The following SPIN1 variants were observed in gnomAD, a reference collection of about 807,000 sequenced individuals.
SPIN1 encodes spindlin 1.
SPIN1 carries 3 observed loss-of-function variants against 26.0 expected under a neutral mutation model. The observed-to-expected ratio is 0.12, with a 90% confidence interval of 0.05 to 0.30. The LOEUF (loss-of-function observed/expected upper bound fraction) is 0.30, where lower values mean the gene tolerates loss of function less well. Among genes scored for constraint, SPIN1 ranks in the 10% least tolerant of loss-of-function variants. The probability of loss-of-function intolerance (pLI) is 1.00; values close to 1 mark genes in which losing one functional copy is unlikely to be tolerated. For missense variants in SPIN1, 126 were observed against 333.4 expected (o/e 0.38, Z 4.84); for synonymous variants, 101 against 116.5 (o/e 0.87, Z 0.86).
intron 2 of SPIN1, among the ~76,000 whole-genome samples, chr9:88,433,195 T>C (rs529161185): frequency 3.2e-4 from 49 of 152,258 alleles, no homozygotes; most frequent in African/African-American, 1.1e-3. Flanking sequence ...TCCTCCCACC[T>C]CAGCCTCCTG....
At chr9:88,394,637 G>A (rs570303991) in intron 1 of SPIN1, among the ~76,000 whole-genome samples, 1 of 152,004 alleles carries the variant, frequency 6.6e-6, no homozygotes, top group Admixed American at 6.6e-5. Context: ...TTTATGTTTG[G>A]TTATGGTTTT....
rs186969148 is a variant in SPIN1 at position 88,429,089 on chromosome 9, A to G, written c.52+2498A>G. On this transcript the variant is annotated intron_variant, in intron 2 of 5. Transcript: ENST00000375859. ...GCAGTGTTGCCCAGGCTGGTCTTCA[A>G]CTCCTGAGCTGAAGCGGTCCTCCTG... is the stretch of plus-strand genomic sequence containing the variant. Among the ~76,000 whole-genome samples the G allele has an allele frequency of 8.3e-3, 1,254 of 151,914 alleles. 7 individuals are homozygous for G. The highest frequency in any genetic ancestry group is 0.012 in the Admixed American group (183 of 15,226).
chr9:88,452,419 G>A lies in SPIN1; in HGVS notation c.101+3430G>A, dbSNP rs75008002. The stretch of plus-strand genomic sequence containing the variant: ...TTCTCAGAAATTGGTTATTTCAGTC[G>A]TGGACATGAAGACTGGGTAACTCTT... On this transcript the variant is annotated intron_variant, in intron 3 of 5. Coordinates refer to ENST00000375859, the MANE Select transcript of SPIN1 (RefSeq NM_006717.3). 3.1e-4 allele frequency among the ~76,000 whole-genome samples: 47 copies of A among 152,276 alleles called. 2 individuals are homozygous for A. In the East Asian group the frequency reaches 9.1e-3, roughly 29 times the overall value.
rs535682674 is a variant in SPIN1, at chr9:88,427,813, G to A, written c.52+1222G>A. 1.3e-4 allele frequency among the ~76,000 whole-genome samples: 20 copies of A among 152,114 alleles called. No individual in the cohort carries two copies. The East Asian group carries it at 2.1e-3, about 16-fold the overall frequency. ...GGGGTTTTGCCATGTTGGCCAGGCCGGTCTTGAACTCCTGACCTCAAGTGA... is the reference window on the plus strand; with the variant it reads ...GGGGTTTTGCCATGTTGGCCAGGCCAGTCTTGAACTCCTGACCTCAAGTGA... On this transcript the variant is annotated intron_variant, in intron 2 of 5. Transcript: ENST00000375859.
chr9:88,420,315 C>T (rs546468593), intron 1 of SPIN1, among the ~76,000 whole-genome samples: 1 of 152,314 alleles, frequency 6.6e-6, no homozygotes, highest in East Asian at 1.9e-4. Flanking sequence ...GCGGAGGTTG[C>T]AGTGAGCCGA....
chr9:88,471,878 T>C (rs897544482), intron 5 of SPIN1, among the ~76,000 whole-genome samples: 21 of 152,030 alleles, frequency 1.4e-4, no homozygotes, highest in Non-Finnish European at 3.1e-4. Flanking sequence ...TTGCTCAGGC[T>C]GGAGTATAGT....
chr9:88,458,757 A>C (rs1023837324), intron 3 of SPIN1, among the ~76,000 whole-genome samples: 4 of 152,176 alleles, frequency 2.6e-5, no homozygotes, highest in African/African-American at 9.7e-5. Flanking sequence ...CAAGTTCAAA[A>C]TCTATAGGGT....
chr9:88,433,815 G>C (rs901992778), intron 2 of SPIN1, among the ~76,000 whole-genome samples: 1 of 151,458 alleles, frequency 6.6e-6, no homozygotes, highest in Non-Finnish European at 1.5e-5. Flanking sequence ...AATTTTCAAA[G>C]AAAGAAAGAT....
Position 88,426,409 on chromosome 9 carries a change from T to G in SPIN1, c.-131T>G. On this transcript the variant is annotated 5_prime_UTR_variant, in exon 2 of 6. Coordinates refer to ENST00000375859, the MANE Select transcript of SPIN1 (RefSeq NM_006717.3). Reference sequence around the variant, plus strand: ...TGCTTGTGATTTCACGTATTTTTGCTGAACTCGTAAAAGAGACACTTGGAT... The same window carrying G: ...TGCTTGTGATTTCACGTATTTTTGCGGAACTCGTAAAAGAGACACTTGGAT... The G allele has an allele frequency of 1.5e-6, 1 of 646,798 alleles. No homozygotes were observed. The highest frequency in any genetic ancestry group is 2.7e-6 in the Non-Finnish European group (1 of 371,088). 40.1% of individuals were successfully genotyped at this position (646,798 alleles called of 1,614,324 possible). A position where few individuals can be genotyped will look rare whatever the true frequency, so the allele number is the denominator to read the frequency against.
At chr9:88,403,500 A>G (rs767934897) in intron 1 of SPIN1, among the ~76,000 whole-genome samples, 29 of 152,106 alleles carry the variant, frequency 1.9e-4, no homozygotes, top group Non-Finnish European at 3.4e-4. Context: ...ACTTGAGTCT[A>G]GAGTTTGAGA....
intron 1 of SPIN1, chr9:88,410,559 G>C: frequency 2.4e-6 from 2 of 822,074 alleles, no homozygotes; most frequent in Admixed American, 1.7e-5. Flanking sequence ...CATAGCTACT[G>C]CTGCTACTGG....
chr9:88,395,406 T>C (rs1012079426), intron 1 of SPIN1, among the ~76,000 whole-genome samples: 5 of 152,098 alleles, frequency 3.3e-5, no homozygotes, highest in African/African-American at 1.2e-4. Context: ...GAGCGCTTCA[T>C]TGAAGTGCGT....
chr9:88,427,906 GGGACTATTAATGTACCTATTGGGGTTAA>G (rs1282399927), intron 2 of SPIN1, among the ~76,000 whole-genome samples: 1 of 152,122 alleles, frequency 6.6e-6, no homozygotes, highest in Non-Finnish European at 1.5e-5. Context: ...GCCAAAAAAT[GGGACTATTAATGTACCTATTGGGGTTAA>G]GGACTAAATG....
At chr9:88,456,366 T>G (rs969484172) in intron 3 of SPIN1, among the ~76,000 whole-genome samples, 3 of 152,100 alleles carry the variant, frequency 2.0e-5, no homozygotes, top group African/African-American at 7.2e-5. Context: ...AGGAACAAGT[T>G]TATATCAAGA....
chr9:88,471,139 T>C (rs1346863603), intron 5 of SPIN1, among the ~76,000 whole-genome samples: 1 of 152,210 alleles, frequency 6.6e-6, no homozygotes, highest in Non-Finnish European at 1.5e-5. Context: ...TGAGTATGCT[T>C]TTTGTGTCCT....
intron 2 of SPIN1, among the ~76,000 whole-genome samples, chr9:88,439,679 A>G (rs1828079033): frequency 1.3e-5 from 2 of 152,250 alleles, no homozygotes; most frequent in Middle Eastern, 3.4e-3. Flanking sequence ...GCACATACAC[A>G]TTAAGGATTG....
At chr9:88,406,038 T>TGTGTAC (rs1554691973) in intron 1 of SPIN1, among the ~76,000 whole-genome samples, 22 of 148,398 alleles carry the variant, frequency 1.5e-4, no homozygotes, top group Middle Eastern at 3.5e-3. Flanking sequence ...TGTGTGTGTG[T>TGTGTAC]GTGTACGTGT....
At chr9:88,410,894 G>GAAGC in intron 1 of SPIN1, 2 of 977,366 alleles carry the variant, frequency 2.0e-6, no homozygotes, top group Non-Finnish European at 3.3e-6. Context: ...TTGGCTGGAT[G>GAAGC]AAGCACTAGC....
At chr9:88,473,321 A>C (rs889159437) in intron 5 of SPIN1, among the ~76,000 whole-genome samples, 2 of 152,018 alleles carry the variant, frequency 1.3e-5, no homozygotes, top group African/African-American at 4.8e-5. Flanking sequence ...TGAACCCGGG[A>C]GGCAGAAGTT....
Sources: gnomAD v4.1 joint callset for allele counts (sites outside exome capture counted in the v4.1 genomes callset) on GRCh38, gnomAD v4.1.1 for gene constraint, MANE v1.5 for transcripts, NCBI Gene and HGNC (gene_info 2026-07-23, HGNC 2026-07-21) for gene names.